The following CRACR2A variants were observed in gnomAD, a reference collection of about 807,000 sequenced individuals.
CRACR2A encodes EF-hand calcium-binding domain-containing protein 4B.
CRACR2A carries 79 observed loss-of-function variants against 90.5 expected under a neutral mutation model. That is an observed-to-expected ratio of 0.87 (90% CI 0.73 to 1.05). The LOEUF (loss-of-function observed/expected upper bound fraction) is 1.05, where lower values mean the gene tolerates loss of function less well. Among genes scored for constraint, CRACR2A ranks in the 50% least tolerant of loss-of-function variants. CRACR2A has a pLI of 0.00. For missense variants in CRACR2A, 823 were observed against 897.2 expected (o/e 0.92, Z 1.06); for synonymous variants, 338 against 356.7 (o/e 0.95, Z 0.59).
intron 2 of CRACR2A, among the ~76,000 whole-genome samples, chr12:3,720,464 A>AAGCAAGC: frequency 6.6e-6 from 1 of 150,906 alleles, no homozygotes; most frequent in African/African-American, 2.5e-5. Flanking sequence ...AGAAAGAAAG[A>AAGCAAGC]AAGCAAAAGA....
At chr12:3,659,747 G>GTTGTGGT (rs1944992754) in intron 7 of CRACR2A, 93 bp from the exon 8 acceptor site, 25 of 1,003,378 alleles carry the variant, frequency 2.5e-5, no homozygotes, top group Non-Finnish European at 3.9e-5. Context: ...CAACTCTGGA[G>GTTGTGGT]CTGTGGGTGT....
intron 2 of CRACR2A, among the ~76,000 whole-genome samples, chr12:3,720,575 T>C (rs550683137): frequency 2.8e-4 from 42 of 152,374 alleles, no homozygotes; most frequent in Non-Finnish European, 4.7e-4. Flanking sequence ...CGTTTTCTAC[T>C]GTGTTAATCC....
chr12:3,643,797 AAT>A (rs1369902984), intron 12 of CRACR2A, among the ~76,000 whole-genome samples: 1 of 106,630 alleles, frequency 9.4e-6, no homozygotes, highest in South Asian at 2.6e-4. Flanking sequence ...ATATTTATAT[AAT>A]ATATATTATA....
intron 11 of CRACR2A, 88 bp from the exon 12 acceptor site, chr12:3,644,728 A>G: frequency 1.7e-6 from 2 of 1,204,600 alleles, no homozygotes; most frequent in Non-Finnish European, 2.4e-6. Context: ...AGATGGGTGC[A>G]GGGGAAGGTG....
Position 3,633,770 on chromosome 12 carries a change from G to C in CRACR2A, c.1603-34C>G, listed in dbSNP as rs566274133. On this transcript the variant is annotated intron_variant, in intron 14 of 19. Transcript: ENST00000440314. This position sits in a 1 kb window ranked among gnomAD's most constrained non-coding sequence, Gnocchi z 4.5. ...GGCACACAATCTGACCAACTGCAGG[G>C]AATAGTCTTGCCAGCCCCTGCCCCT... is the stretch of plus-strand genomic sequence containing the variant. 37 of 1,550,942 alleles carry C rather than the reference G, an allele frequency of 2.4e-5. 1 individual carries two copies. The African/African-American group carries it at 4.5e-4, about 19-fold the overall frequency.
intron 15 of CRACR2A, among the ~76,000 whole-genome samples, chr12:3,630,428 T>C (rs1186527277): frequency 6.6e-6 from 1 of 152,144 alleles, no homozygotes; most frequent in Non-Finnish European, 1.5e-5. Context: ...AGGGGGCTGC[T>C]GCAGGGATTT....
chr12:3,650,571 C>T (rs1944776662), intron 10 of CRACR2A, among the ~76,000 whole-genome samples: 1 of 152,198 alleles, frequency 6.6e-6, no homozygotes, highest in African/African-American at 2.4e-5. Context: ...GTGAGCAGAG[C>T]TGCCCGCTCC....
chr12:3,642,388 C>T (rs76584101), intron 12 of CRACR2A, among the ~76,000 whole-genome samples: 6,105 of 152,172 alleles, frequency 0.04, 157 homozygotes, highest in African/African-American at 0.073. Flanking sequence ...CTAATTTTCT[C>T]ATTTTTTGTG....
intron 6 of CRACR2A, among the ~76,000 whole-genome samples, chr12:3,676,472 C>A (rs1415281596): frequency 6.6e-6 from 1 of 152,192 alleles, no homozygotes; most frequent in Admixed American, 6.5e-5. Context: ...CTAACCCCAA[C>A]ATGATGGTGC....
chr12:3,745,536 G>A (rs918149844), intron 1 of CRACR2A, among the ~76,000 whole-genome samples: 2 of 152,012 alleles, frequency 1.3e-5, no homozygotes, highest in Admixed American at 6.6e-5. Flanking sequence ...CACTTTGGGA[G>A]GCCAAGGCAG....
intron 17 of CRACR2A, among the ~76,000 whole-genome samples, chr12:3,619,912 C>G (rs776716027): frequency 6.6e-6 from 1 of 152,198 alleles, no homozygotes; most frequent in Non-Finnish European, 1.5e-5. Context: ...CATGGTCTTG[C>G]GCCCACAAGG....
chr12:3,676,535 G>A (rs1400501458), intron 6 of CRACR2A, among the ~76,000 whole-genome samples: 6 of 150,096 alleles, frequency 4.0e-5, no homozygotes, highest in Non-Finnish European at 8.9e-5. Context: ...GAGCCCTCAC[G>A]AATGGCACTA....
intron 7 of CRACR2A, among the ~76,000 whole-genome samples, chr12:3,664,939 G>A (rs754873199): frequency 5.3e-5 from 8 of 152,208 alleles, no homozygotes; most frequent in African/African-American, 9.7e-5. Flanking sequence ...CCCAGAAGGC[G>A]GAGGTTGCAG....
At chr12:3,749,625 T>C (rs181653261) in intron 1 of CRACR2A, among the ~76,000 whole-genome samples, 2 of 152,304 alleles carry the variant, frequency 1.3e-5, no homozygotes, top group African/African-American at 4.8e-5. Context: ...TTATTGGGAC[T>C]TCCCCCTGAC....
intron 2 of CRACR2A, among the ~76,000 whole-genome samples, chr12:3,725,006 T>A (rs2137826975): frequency 6.6e-6 from 1 of 152,302 alleles, no homozygotes; most frequent in East Asian, 1.9e-4. Context: ...AAAGGAAATA[T>A]TCTCTGGTTG....
intron 15 of CRACR2A, among the ~76,000 whole-genome samples, chr12:3,630,204 AC>A (rs1277510645): frequency 6.6e-6 from 1 of 152,126 alleles, no homozygotes; most frequent in African/African-American, 2.4e-5. Context: ...CATCGAGGTG[AC>A]CCTTGATTGC....
chr12:3,648,741 C>G, intron 10 of CRACR2A, 128 bp from the exon 11 acceptor site: 1 of 1,327,820 alleles, frequency 7.5e-7, no homozygotes, highest in Non-Finnish European at 1.0e-6. Flanking sequence ...GTGGCCTCCT[C>G]CTGGAGAGCT....
Position 3,656,306 on chromosome 12 carries a change from C to T in CRACR2A, c.858+5G>A. Reference sequence around the variant, plus strand: ...GGTACTCTGGGGCCATGGATGGCAACATACCCTTTTCTGCTTCTGGGTGAG... The same window carrying T: ...GGTACTCTGGGGCCATGGATGGCAATATACCCTTTTCTGCTTCTGGGTGAG... On this transcript the variant is annotated splice_donor_5th_base_variant and intron_variant, in intron 9 of 19. Transcript: ENST00000440314. 2.5e-6 allele frequency: 4 copies of T among 1,614,048 alleles called. No individual in the cohort carries two copies. The highest frequency in any genetic ancestry group is 3.4e-6 in the Non-Finnish European group (4 of 1,179,986).
intron 11 of CRACR2A, among the ~76,000 whole-genome samples, chr12:3,645,254 C>G (rs890448978): frequency 2.6e-5 from 4 of 152,212 alleles, no homozygotes; most frequent in African/African-American, 9.6e-5. Context: ...ACTAATAAGA[C>G]AGCATTTGCA....
Sources: allele counts gnomAD v4.1 joint callset (sites outside exome capture counted in the v4.1 genomes callset), GRCh38; gene constraint gnomAD v4.1.1; non-coding constraint Gnocchi (gnomAD v3.1); transcripts MANE v1.5; gene names NCBI Gene and HGNC (gene_info 2026-07-23, HGNC 2026-07-21).